BCAS2: variants seen among roughly 807,000 people sequenced by gnomAD.
The protein encoded by BCAS2 is BCAS2 pre-mRNA processing factor.
In BCAS2, 34 loss-of-function variants were observed where a neutral mutation model predicts 35.3. That is an observed-to-expected ratio of 0.96 (90% CI 0.73 to 1.28). The LOEUF is 1.28. Among genes scored for constraint, BCAS2 ranks in the 50% most tolerant of loss-of-function variants. The probability of loss-of-function intolerance (pLI) is 0.00; values close to 1 mark genes in which losing one functional copy is unlikely to be tolerated. For missense variants in BCAS2, 221 were observed against 268.1 expected (o/e 0.82, Z 1.23); for synonymous variants, 75 against 91.6 (o/e 0.82, Z 1.03).
At chr1:114,573,802 TAG>T (rs1399128571) in intron 4 of BCAS2, among the ~76,000 whole-genome samples, 3 of 152,244 alleles carry the variant, frequency 2.0e-5, no homozygotes, top group Non-Finnish European at 2.9e-5. Context: ...GTTGGCTTTG[TAG>T]AGTTTCCCAA....
intron 2 of BCAS2, among the ~76,000 whole-genome samples, chr1:114,576,972 G>A (rs1654782385): frequency 6.6e-6 from 1 of 152,010 alleles, no homozygotes; most frequent in Non-Finnish European, 1.5e-5. Context: ...CATGTATTAA[G>A]GAGCCCACAG....
At chr1:114,576,247 CTATA>C (rs67885657) in intron 3 of BCAS2, among the ~76,000 whole-genome samples, 11 of 131,668 alleles carry the variant, frequency 8.4e-5, no homozygotes, top group East Asian at 2.3e-4. Flanking sequence ...CTCTCTCTCT[CTATA>C]TATATATATA....
At chr1:114,575,024 T>C (rs1205062197) in intron 4 of BCAS2, among the ~76,000 whole-genome samples, 2 of 148,886 alleles carry the variant, frequency 1.3e-5, no homozygotes, top group Admixed American at 1.3e-4. Context: ...AGCGCCACCA[T>C]GGCCGGCTAA....
At chr1:114,576,224 T>C (rs977650116) in intron 3 of BCAS2, among the ~76,000 whole-genome samples, 12 of 120,476 alleles carry the variant, frequency 1.0e-4, no homozygotes, top group Non-Finnish European at 1.9e-4. Context: ...CAACACTGCC[T>C]CTCTCTCTCT....
At chr1:114,571,229 A>G (rs1436937303) in intron 4 of BCAS2, among the ~76,000 whole-genome samples, 2 of 145,478 alleles carry the variant, frequency 1.4e-5, no homozygotes, top group Admixed American at 1.4e-4. Context: ...TAATTTTTGT[A>G]TTTTTTTTTT....
intron 2 of BCAS2, among the ~76,000 whole-genome samples, chr1:114,577,857 A>G (rs17032797): frequency 0.02 from 3,014 of 152,320 alleles, 97 homozygotes; most frequent in African/African-American, 0.067. Flanking sequence ...ATTAGACTAA[A>G]TAAGTATCAA....
At chr1:114,571,359 C>CA (rs1553230932) in intron 4 of BCAS2, among the ~76,000 whole-genome samples, 10 of 151,590 alleles carry the variant, frequency 6.6e-5, no homozygotes, top group Non-Finnish European at 1.3e-4. Context: ...CTGTACCCAG[C>CA]TTTTTTTTGC....
chr1:114,577,036 T>C (rs1654785422), intron 2 of BCAS2, among the ~76,000 whole-genome samples: 1 of 152,200 alleles, frequency 6.6e-6, no homozygotes, highest in Non-Finnish European at 1.5e-5. Flanking sequence ...CATATCAGAA[T>C]CAGTTCGACA....
chr1:114,574,241 G>A (rs1654708855), intron 4 of BCAS2, among the ~76,000 whole-genome samples: 2 of 152,204 alleles, frequency 1.3e-5, no homozygotes, highest in Admixed American at 6.5e-5. Context: ...TCATGGACAT[G>A]TGCACAGTGG....
At chr1:114,574,181 C>G (rs1213288576) in intron 4 of BCAS2, among the ~76,000 whole-genome samples, 1 of 152,162 alleles carries the variant, frequency 6.6e-6, no homozygotes, top group Non-Finnish European at 1.5e-5. Flanking sequence ...AATACTTGCT[C>G]AAATTTATTT....
chr1:114,575,244 G>A (rs1215912186), intron 4 of BCAS2, among the ~76,000 whole-genome samples: 2 of 142,452 alleles, frequency 1.4e-5, no homozygotes, highest in Admixed American at 1.5e-4. Flanking sequence ...CTGGAGTGCA[G>A]TGGCAAAATC....
At chr1:114,576,981 A>G (rs1025529807) in intron 2 of BCAS2, among the ~76,000 whole-genome samples, 1 of 152,208 alleles carries the variant, frequency 6.6e-6, no homozygotes, top group African/African-American at 2.4e-5. Flanking sequence ...AGGAGCCCAC[A>G]GAGAAAAGGA....
chr1:114,581,357 T>A lies in BCAS2; in HGVS notation c.128A>T (p.Tyr43Phe). The change falls in exon 2 of 7, where the codon TAC becomes TTC. Residue 43 changes from tyrosine (Y) to phenylalanine (F), a missense_variant. Tyr to Phe is a conservative substitution (Grantham distance 22). Transcript: ENST00000369541. ...GCTCAGGTAGTTCTTAGTAGGTCGG[T>A]ATCTGCGAGTTTCCTCCTCCACCAG... is the stretch of plus-strand genomic sequence containing the variant. ...AALVEEETRR[Y>F]RPTKNYLSYL... 6.2e-7 allele frequency: 1 copy of A among 1,614,198 alleles called. No homozygotes were observed. The highest frequency in any genetic ancestry group is 8.5e-7 in the Non-Finnish European group (1 of 1,180,022).
intron 4 of BCAS2, among the ~76,000 whole-genome samples, chr1:114,575,073 T>C (rs933402746): frequency 3.3e-5 from 5 of 151,370 alleles, no homozygotes; most frequent in Admixed American, 1.3e-4. Flanking sequence ...GGTTTTACCA[T>C]GTTGGCCAGG....
chr1:114,580,971 T>TA (rs1257343060), intron 2 of BCAS2, among the ~76,000 whole-genome samples: 2 of 152,192 alleles, frequency 1.3e-5, no homozygotes, highest in Non-Finnish European at 2.9e-5. Context: ...TTATACATAT[T>TA]AAAAAACCCT....
At chr1:114,570,106 T>C (rs1393409699) in intron 5 of BCAS2, 34 bp from the exon 6 acceptor site, 1 of 1,471,434 alleles carries the variant, frequency 6.8e-7, no homozygotes. Flanking sequence ...CCAATTACAT[T>C]TTAATGTAAG....
intron 2 of BCAS2, among the ~76,000 whole-genome samples, chr1:114,578,732 T>G (rs1358435032): frequency 1.3e-5 from 2 of 152,172 alleles, no homozygotes; most frequent in Non-Finnish European, 2.9e-5. Flanking sequence ...GGTTCATGAG[T>G]ATGGACCCTG....
At chr1:114,581,174 G>GAC (rs1384493846) in intron 2 of BCAS2, 125 bp downstream of exon 2, 1 of 927,386 alleles carries the variant, frequency 1.1e-6, no homozygotes, top group East Asian at 2.4e-5. Context: ...TCAATAGACT[G>GAC]ACACCTATAC....
intron 5 of BCAS2, 28 bp from the exon 6 acceptor site, chr1:114,570,100 T>C (rs1570735103): frequency 2.6e-6 from 4 of 1,511,864 alleles, no homozygotes; most frequent in Non-Finnish European, 3.7e-6. Flanking sequence ...TACAACCCAA[T>C]TACATTTTAA....
Sources: gnomAD v4.1 joint callset for allele counts (sites outside exome capture counted in the v4.1 genomes callset) on GRCh38, gnomAD v4.1.1 for gene constraint, MANE v1.5 for transcripts, NCBI Gene and HGNC (gene_info 2026-07-23, HGNC 2026-07-21) for gene names.